PEMT: variants seen among roughly 807,000 people sequenced by gnomAD.
PEMT encodes the protein phosphatidylethanolamine N-methyltransferase.
In PEMT, 23 loss-of-function variants were observed where a neutral mutation model predicts 27.4. The ratio of observed to expected loss-of-function variants is 0.84; its 90% CI spans 0.60 to 1.19. The LOEUF (loss-of-function observed/expected upper bound fraction) is 1.19, where lower values mean the gene tolerates loss of function less well. Ranked by LOEUF, PEMT falls within the 50% of genes most tolerant of loss-of-function variation. The pLI is 0.00. For synonymous variants in PEMT, 137 were observed against 139.1 expected, an observed-to-expected ratio of 0.98 and a Z score of 0.11; for missense variants, 307 against 310.1, an observed-to-expected ratio of 0.99 and a Z score of 0.07.
At chr17:17,518,293 C>T (rs944507783) in intron 3 of PEMT, 1 of 333,416 alleles carries the variant, frequency 3.0e-6, no homozygotes, top group Non-Finnish European at 4.3e-6. Context: ...GCCTCGCCCA[C>T]CCCCGTGGGC....
chr17:17,507,267 G>A (rs539652180), intron 5 of PEMT: 265 of 1,304,436 alleles, frequency 2.0e-4, no homozygotes, highest in African/African-American at 2.0e-3. Context: ...GCTGTCTGGC[G>A]GGCACAGAGG....
chr17:17,522,768 CCA>C (rs1907371955), intron 2 of PEMT, among the ~76,000 whole-genome samples: 1 of 152,114 alleles, frequency 6.6e-6, no homozygotes, highest in Admixed American at 6.5e-5. Flanking sequence ...TGAGTGCATC[CCA>C]CAGACTCTAA....
chr17:17,530,567 A>G (rs1376417248), intron 2 of PEMT, among the ~76,000 whole-genome samples: 2 of 152,214 alleles, frequency 1.3e-5, no homozygotes, highest in Non-Finnish European at 2.9e-5. Flanking sequence ...AAAAACACAG[A>G]TAAGAAGTTT....
At chr17:17,510,583 T>G (rs1179818539) in intron 4 of PEMT, among the ~76,000 whole-genome samples, 2 of 152,152 alleles carry the variant, frequency 1.3e-5, no homozygotes, top group Admixed American at 6.5e-5. Context: ...GGGCACAGGG[T>G]GTGCGTAGAT....
At chr17:17,556,284 C>G (rs1437754684) in intron 2 of PEMT, among the ~76,000 whole-genome samples, 2 of 152,218 alleles carry the variant, frequency 1.3e-5, no homozygotes, top group East Asian at 3.9e-4. Context: ...AGAGAAGGGC[C>G]TGGCCCAGGT....
intron 2 of PEMT, among the ~76,000 whole-genome samples, chr17:17,557,806 GA>G (rs1466504955): frequency 1.3e-5 from 2 of 152,180 alleles, no homozygotes; most frequent in Non-Finnish European, 2.9e-5. Flanking sequence ...GTTCCCGAGG[GA>G]AAATACTGGC....
intron 2 of PEMT, among the ~76,000 whole-genome samples, chr17:17,568,543 G>A (rs893426014): frequency 6.6e-5 from 10 of 152,194 alleles, no homozygotes; most frequent in African/African-American, 2.2e-4. Context: ...TCAGCTGAGC[G>A]TCCTCACTTT....
At chr17:17,588,712 C>A (rs1317746145) in intron 1 of PEMT, among the ~76,000 whole-genome samples, 1 of 152,182 alleles carries the variant, frequency 6.6e-6, no homozygotes, top group Non-Finnish European at 1.5e-5. Flanking sequence ...GCCTGGGTGC[C>A]CGCACCCCTA....
intron 2 of PEMT, among the ~76,000 whole-genome samples, chr17:17,574,265 A>AAAAAAAAAC (rs139970591): frequency 8.0e-6 from 1 of 124,616 alleles, no homozygotes; most frequent in Non-Finnish European, 1.6e-5. Flanking sequence ...AAAAAAAAAA[A>AAAAAAAAAC]CCGTATGCCA....
rs374160516 is a variant in PEMT, at chr17:17,525,922, A to AG, written c.205-3528dup. Among the ~76,000 whole-genome samples, 540 of 152,322 alleles carry AG rather than the reference A, an allele frequency of 3.5e-3. 5 individuals are homozygous for AG. Among genetic ancestry groups the AG allele is most frequent in the African/African-American group, 0.012 (505 of 41,570 alleles). ...GGCAGGGGAACCGCTTGAACCCGGG[A>AG]GGCAGAGGTTGCAGTGAGCTGAGAT... On this transcript the variant is annotated intron_variant, in intron 2 of 6. Coordinates refer to ENST00000255389, the MANE Select transcript of PEMT (RefSeq NM_148172.3).
chr17:17,586,288 G>GAAAGAAAGAAAGAAA (rs1555546133), intron 1 of PEMT, among the ~76,000 whole-genome samples: 7 of 72,060 alleles, frequency 9.7e-5, no homozygotes, highest in Middle Eastern at 7.6e-3. Context: ...AAGAAAGAAA[G>GAAAGAAAGAAAGAAA]AAAAAAAAAA....
intron 2 of PEMT, among the ~76,000 whole-genome samples, chr17:17,545,745 C>T (rs766761321): frequency 6.6e-6 from 1 of 152,144 alleles, no homozygotes; most frequent in Non-Finnish European, 1.5e-5. Flanking sequence ...AAATGTCCTC[C>T]GTTTTAGAGA....
chr17:17,549,173 T>A (rs1431870191), intron 2 of PEMT, among the ~76,000 whole-genome samples: 1 of 152,118 alleles, frequency 6.6e-6, no homozygotes, highest in African/African-American at 2.4e-5. Context: ...ATGCCCTTTT[T>A]AACAAAATTT....
intron 2 of PEMT, 141 bp from the exon 3 acceptor site, chr17:17,522,536 C>T (rs1357313036): frequency 1.6e-6 from 1 of 643,324 alleles, no homozygotes; most frequent in Non-Finnish European, 2.8e-6. Flanking sequence ...GAGCAACAAC[C>T]ACATGCACCC....
In PEMT at chr17:17,506,300, G is replaced by A. The variant is rs770166319; in HGVS notation, c.580C>T (p.His194Tyr). ...TANYLGWAIM[H>Y]ASPTGLLLTV... ...AGGAGCAGGCCCGTGGGGCTGGCGT[G>A]CCTGAAAGGACAGAGGCAGGTCAGG... The change falls in exon 6 of 7, where the codon CAC (histidine) becomes TAC (tyrosine). Residue 194 changes from histidine (H) to tyrosine (Y), a missense_variant and splice_region_variant. By Grantham distance (83) the His-to-Tyr change is moderately conservative. Transcript: ENST00000255389. 16 of 1,573,464 alleles carry A rather than the reference G, an allele frequency of 1.0e-5. No homozygotes were observed. Among genetic ancestry groups the A allele is most frequent in the Non-Finnish European group, 1.3e-5 (15 of 1,158,592 alleles).
At chr17:17,544,194 A>C (rs1909085983) in intron 2 of PEMT, among the ~76,000 whole-genome samples, 1 of 152,196 alleles carries the variant, frequency 6.6e-6, no homozygotes, top group Admixed American at 6.5e-5. Flanking sequence ...ATAAGGAAAC[A>C]AGAACATGGA....
intron 2 of PEMT, among the ~76,000 whole-genome samples, chr17:17,540,826 G>A (rs1375387530): frequency 6.6e-6 from 1 of 152,220 alleles, no homozygotes; most frequent in Non-Finnish European, 1.5e-5. Flanking sequence ...TCACTGGCGA[G>A]TGAATGGGCT....
chr17:17,511,743 G>C (rs1386672132), intron 4 of PEMT, among the ~76,000 whole-genome samples: 10 of 152,308 alleles, frequency 6.6e-5, no homozygotes, highest in East Asian at 5.8e-4. Context: ...CCCTTGGACA[G>C]GGACTGCCTC....
At chr17:17,532,165 G>A (rs1908149157) in intron 2 of PEMT, among the ~76,000 whole-genome samples, 1 of 152,168 alleles carries the variant, frequency 6.6e-6, no homozygotes, top group Non-Finnish European at 1.5e-5. Context: ...TCTTACCACT[G>A]CAATTCAACT....
Sources: allele counts gnomAD v4.1 joint callset (sites outside exome capture counted in the v4.1 genomes callset), GRCh38; gene constraint gnomAD v4.1.1; transcripts MANE v1.5; gene names NCBI Gene and HGNC (gene_info 2026-07-23, HGNC 2026-07-21).